The following TMEM132B variants were observed in gnomAD, a reference collection of about 807,000 sequenced individuals.
TMEM132B encodes the protein transmembrane protein 132B.
TMEM132B carries 18 observed loss-of-function variants against 90.8 expected under a neutral mutation model. That is an observed-to-expected ratio of 0.20 (90% CI 0.14 to 0.29). TMEM132B has a LOEUF of 0.29. Ranked by LOEUF, TMEM132B falls within the 10% of genes least tolerant of loss-of-function variation. TMEM132B has a pLI of 1.00. For synonymous variants in TMEM132B, 504 were observed against 523.3 expected (o/e 0.96, Z 0.50); for missense variants, 1,096 against 1,326.8 (o/e 0.83, Z 2.70).
chr12:125,516,541 A>G (rs1476540629), intron 3 of TMEM132B, among the ~76,000 whole-genome samples: 1 of 152,240 alleles, frequency 6.6e-6, no homozygotes, highest in Non-Finnish European at 1.5e-5. Flanking sequence ...AGGTTCCTGC[A>G]GCTGGTCCAG....
At chr12:125,620,532 T>C (rs1257519226) in intron 5 of TMEM132B, among the ~76,000 whole-genome samples, 2 of 152,234 alleles carry the variant, frequency 1.3e-5, no homozygotes, top group South Asian at 2.1e-4. Flanking sequence ...CTTTCTCCAA[T>C]GATAAAACAA....
intron 1 of TMEM132B, among the ~76,000 whole-genome samples, chr12:125,210,206 G>C (rs1364296722): frequency 6.6e-6 from 1 of 152,196 alleles, no homozygotes; most frequent in Non-Finnish European, 1.5e-5. Context: ...AGATTGGGTG[G>C]TCTGAGGAGA....
chr12:125,338,116 T>G (rs1251681616), intron 1 of TMEM132B, among the ~76,000 whole-genome samples: 2 of 152,260 alleles, frequency 1.3e-5, no homozygotes, highest in African/African-American at 4.8e-5. Context: ...ATTCATTTAT[T>G]CTTTCAACAC....
In TMEM132B at chr12:125,497,474, T is replaced by C. The variant is rs542119512; in HGVS notation, c.1107-21965T>C. Among the ~76,000 whole-genome samples, 4 of 152,322 alleles carry C rather than the reference T, an allele frequency of 2.6e-5. No homozygotes were observed. The South Asian group carries it at 8.3e-4, about 32-fold the overall frequency. ...CTTACAGGCTTCCAAGGTTCCATAC[T>C]TTATTCCAGGAGATTTATAAAAGTT... On this transcript the variant is annotated intron_variant, in intron 3 of 8. Transcript: ENST00000682704.
intron 1 of TMEM132B, among the ~76,000 whole-genome samples, chr12:125,224,664 T>C (rs745574418): frequency 3.9e-5 from 6 of 152,238 alleles, no homozygotes; most frequent in Non-Finnish European, 7.3e-5. Flanking sequence ...AGAGGTGCAC[T>C]TAGATGTGTT....
chr12:125,541,846 C>T (rs1175979858), intron 4 of TMEM132B, among the ~76,000 whole-genome samples: 4 of 151,126 alleles, frequency 2.6e-5, no homozygotes, highest in African/African-American at 7.3e-5. Flanking sequence ...GGTGAAACCC[C>T]GTCTCTACTA....
At chr12:125,203,236 C>G (rs1873106063) in intron 1 of TMEM132B, among the ~76,000 whole-genome samples, 1 of 152,160 alleles carries the variant, frequency 6.6e-6, no homozygotes, top group African/African-American at 2.4e-5. Flanking sequence ...TTCCTTGTCC[C>G]CATCCCTTCC....
Position 125,432,075 on chromosome 12 carries a change from C to T in TMEM132B, c.1106+16398C>T, listed in dbSNP as rs149180946. On this transcript the variant is annotated intron_variant, in intron 3 of 8. Transcript: ENST00000682704. Reference sequence around the variant, plus strand: ...TGGATCATGGGGTGCTCTGCTGCCACGCTGCCGGGGTGTTGGTGGGGTGTG... The same window carrying T: ...TGGATCATGGGGTGCTCTGCTGCCATGCTGCCGGGGTGTTGGTGGGGTGTG... Among the ~76,000 whole-genome samples, 431 of 152,030 alleles carry T rather than the reference C, an allele frequency of 2.8e-3. 5 individuals carry two copies. The highest frequency in any genetic ancestry group is 0.024 in the Middle Eastern group (7 of 294).
At chr12:125,594,761 G>A (rs921663161) in intron 5 of TMEM132B, among the ~76,000 whole-genome samples, 4 of 152,080 alleles carry the variant, frequency 2.6e-5, no homozygotes, top group African/African-American at 9.7e-5. Flanking sequence ...TTATATTCTG[G>A]ATACAAGTTC....
At chr12:125,203,991 A>T (rs1873125225) in intron 1 of TMEM132B, among the ~76,000 whole-genome samples, 1 of 152,268 alleles carries the variant, frequency 6.6e-6, no homozygotes, top group African/African-American at 2.4e-5. Context: ...TTAAAGGAAT[A>T]ACAGATGCCC....
chr12:125,440,453 T>TG (rs760273076), intron 3 of TMEM132B, among the ~76,000 whole-genome samples: 21 of 152,240 alleles, frequency 1.4e-4, no homozygotes, highest in Non-Finnish European at 2.5e-4. Context: ...AAGAAAGTGA[T>TG]GTTTAATCAT....
At chr12:125,224,123 T>C (rs1306613039) in intron 1 of TMEM132B, among the ~76,000 whole-genome samples, 3 of 152,246 alleles carry the variant, frequency 2.0e-5, no homozygotes, top group Non-Finnish European at 4.4e-5. Context: ...CAGCACTTCA[T>C]TCCCTTTTAT....
intron 1 of TMEM132B, among the ~76,000 whole-genome samples, chr12:125,258,187 G>A (rs768379024): frequency 2.6e-5 from 4 of 152,212 alleles, no homozygotes; most frequent in Admixed American, 1.3e-4. Context: ...AAATGAGACG[G>A]TTTCATGAAG....
At chr12:125,455,107 G>A (rs982320076) in intron 3 of TMEM132B, among the ~76,000 whole-genome samples, 13 of 152,136 alleles carry the variant, frequency 8.5e-5, no homozygotes, top group Admixed American at 5.9e-4. Flanking sequence ...ATTCCTAATT[G>A]GGGGGTAAGG....
chr12:125,630,059 T>C (rs1479593024), intron 5 of TMEM132B, among the ~76,000 whole-genome samples: 2 of 152,132 alleles, frequency 1.3e-5, no homozygotes, highest in Non-Finnish European at 2.9e-5. Context: ...TGTTGAGGAT[T>C]TTTGGATTAG....
chr12:125,634,918 T>A (rs1164696258), intron 5 of TMEM132B, among the ~76,000 whole-genome samples: 1 of 152,174 alleles, frequency 6.6e-6, no homozygotes, highest in Admixed American at 6.5e-5. Context: ...CTCCTTTAGC[T>A]GCCCCAGCTG....
chr12:125,604,079 A>G (rs963864546), intron 5 of TMEM132B, among the ~76,000 whole-genome samples: 2 of 152,240 alleles, frequency 1.3e-5, no homozygotes, highest in Admixed American at 6.5e-5. Flanking sequence ...CATTTGACCC[A>G]GCAATCCCAT....
intron 3 of TMEM132B, among the ~76,000 whole-genome samples, chr12:125,510,926 G>A (rs566365477): frequency 1.3e-5 from 2 of 152,270 alleles, no homozygotes; most frequent in Non-Finnish European, 2.9e-5. Flanking sequence ...AGCATGCCAT[G>A]TAATTCATCT....
intron 1 of TMEM132B, among the ~76,000 whole-genome samples, chr12:125,290,296 A>G (rs1875502518): frequency 1.3e-5 from 2 of 152,176 alleles, no homozygotes; most frequent in Admixed American, 1.3e-4. Context: ...CTACCTTCAA[A>G]ATCATGAAAT....
Sources: allele counts gnomAD v4.1 joint callset (sites outside exome capture counted in the v4.1 genomes callset), GRCh38; gene constraint gnomAD v4.1.1; transcripts MANE v1.5; gene names NCBI Gene and HGNC (gene_info 2026-07-23, HGNC 2026-07-21).